Variants in CNTLN observed in about 807,000 individuals in gnomAD.
CNTLN encodes the protein centlein, centrosomal protein.
Under a neutral mutation model 180.0 loss-of-function variants are expected in CNTLN, and 212 were observed. The observed-to-expected ratio is 1.18, with a 90% CI of 1.05 to 1.32. CNTLN has a LOEUF of 1.32. Among genes scored for constraint, CNTLN ranks in the 40% most tolerant of loss-of-function variants. The probability of loss-of-function intolerance (pLI) is 0.00; values close to 1 mark genes in which losing one functional copy is unlikely to be tolerated. For missense variants in CNTLN, 2,095 were observed against 1,610.9 expected, an observed-to-expected ratio of 1.30 and a Z score of -5.14; for synonymous variants, 722 against 563.1, an observed-to-expected ratio of 1.28 and a Z score of -3.99.
At chr9:17,478,947 C>A (rs1193885609) in intron 23 of CNTLN, among the ~76,000 whole-genome samples, 2 of 152,140 alleles carry the variant, frequency 1.3e-5, no homozygotes, top group Non-Finnish European at 2.9e-5. Flanking sequence ...CCAACAGAAA[C>A]AAACTCAATG....
intron 23 of CNTLN, among the ~76,000 whole-genome samples, chr9:17,470,162 C>T (rs914880524): frequency 2.0e-5 from 3 of 151,876 alleles, no homozygotes; most frequent in African/African-American, 4.8e-5. Flanking sequence ...TTGTTGTCTT[C>T]AGGGTATTGT....
intron 2 of CNTLN, among the ~76,000 whole-genome samples, chr9:17,219,760 C>A (rs564961076): frequency 1.3e-5 from 2 of 152,098 alleles, no homozygotes; most frequent in South Asian, 4.1e-4. Context: ...TCCTGGGTGG[C>A]TTAAATAACA....
chr9:17,281,528 C>T (rs905543912), intron 6 of CNTLN, among the ~76,000 whole-genome samples: 2 of 152,018 alleles, frequency 1.3e-5, no homozygotes, highest in African/African-American at 4.8e-5. Flanking sequence ...GCTCCCACTA[C>T]GTGCAGTGTT....
intron 23 of CNTLN, among the ~76,000 whole-genome samples, chr9:17,480,936 G>A (rs1251990933): frequency 6.6e-6 from 1 of 152,192 alleles, no homozygotes; most frequent in Non-Finnish European, 1.5e-5. Flanking sequence ...AGCTATGTGT[G>A]TAATACACAA....
chr9:17,328,164 A>G lies in CNTLN; in HGVS notation c.1342-2468A>G, dbSNP rs148256778. Among the ~76,000 whole-genome samples, 4 of 152,118 alleles carry G rather than the reference A, an allele frequency of 2.6e-5. No individual in the cohort carries two copies. The South Asian group carries it at 6.2e-4, about 24-fold the overall frequency. On this transcript the variant is annotated intron_variant, in intron 8 of 25. Coordinates refer to ENST00000380647, the MANE Select transcript of CNTLN (RefSeq NM_017738.4). ...TTTTGTACCCTACTTTTCTCAGTTT[A>G]TCATAGATATCTTTCCATTTTAGCC... is the stretch of plus-strand genomic sequence containing the variant.
intron 1 of CNTLN, among the ~76,000 whole-genome samples, chr9:17,140,135 CG>C (rs1026049507): frequency 5.3e-5 from 8 of 151,180 alleles, no homozygotes; most frequent in South Asian, 2.1e-4. Flanking sequence ...TGTGTTTTTT[CG>C]GGGGGGGACT....
At chr9:17,237,354 TACACACAC>T (rs59168012) in intron 5 of CNTLN, among the ~76,000 whole-genome samples, 10,376 of 106,392 alleles carry the variant, frequency 0.098, 467 homozygotes, top group Middle Eastern at 0.15. Context: ...TATATGCCCC[TACACACAC>T]ACACACACAC....
chr9:17,425,231 G>A (rs1022521671), intron 18 of CNTLN, among the ~76,000 whole-genome samples: 1 of 152,136 alleles, frequency 6.6e-6, no homozygotes, highest in African/African-American at 2.4e-5. Context: ...CCTAACTCCT[G>A]GTTTGATGGT....
intron 2 of CNTLN, among the ~76,000 whole-genome samples, chr9:17,176,219 T>G (rs1403851202): frequency 6.6e-6 from 1 of 152,110 alleles, no homozygotes; most frequent in African/African-American, 2.4e-5. Flanking sequence ...AAATGGTCCC[T>G]GCAAGTTTTT....
chr9:17,228,721 G>T (rs114652758), intron 3 of CNTLN, among the ~76,000 whole-genome samples: 451 of 152,048 alleles, frequency 3.0e-3, no homozygotes, highest in African/African-American at 0.01. Context: ...TTCATAGTCA[G>T]GTCCACTGAC....
intron 13 of CNTLN, 30 bp downstream of exon 13, chr9:17,366,747 G>C (rs773889001): frequency 1.7e-6 from 2 of 1,159,152 alleles, no homozygotes; most frequent in South Asian, 2.7e-5. Flanking sequence ...ATACTTAACA[G>C]AGGAATTTTA....
intron 12 of CNTLN, among the ~76,000 whole-genome samples, chr9:17,351,681 C>T (rs375163632): frequency 2.6e-5 from 4 of 152,248 alleles, no homozygotes; most frequent in African/African-American, 9.6e-5. Context: ...ACCACCATTT[C>T]TTCCCTAGTC....
intron 18 of CNTLN, among the ~76,000 whole-genome samples, chr9:17,455,273 C>T (rs947110901): frequency 1.3e-5 from 2 of 152,072 alleles, no homozygotes; most frequent in Admixed American, 1.3e-4. Flanking sequence ...TGCATATATA[C>T]CTAACACTGG....
chr9:17,370,740 A>G (rs1238523975), intron 13 of CNTLN, among the ~76,000 whole-genome samples: 1 of 152,174 alleles, frequency 6.6e-6, no homozygotes, highest in Non-Finnish European at 1.5e-5. Context: ...ATAACTATAA[A>G]AAGTTTTCAA....
the CNTLN span, among the ~76,000 whole-genome samples, chr9:17,517,576 G>C: frequency 6.6e-6 from 1 of 152,076 alleles, no homozygotes; most frequent in Non-Finnish European, 1.5e-5. Context: ...ACAGAGGGAA[G>C]AGGACCATGT....
chr9:17,399,591 T>G (rs1290813241), intron 15 of CNTLN, among the ~76,000 whole-genome samples: 1 of 152,226 alleles, frequency 6.6e-6, no homozygotes, highest in African/African-American at 2.4e-5. Flanking sequence ...TAAAGCCCTT[T>G]CCATCTTCCT....
At chr9:17,521,712 GTTCCT>G in the CNTLN span, among the ~76,000 whole-genome samples, 8 of 152,254 alleles carry the variant, frequency 5.3e-5, no homozygotes, top group South Asian at 8.3e-4. Context: ...AAAGGAAACT[GTTCCT>G]TTCAAGTGCT....
At chr9:17,425,899 GAA>G (rs1052955582) in intron 18 of CNTLN, among the ~76,000 whole-genome samples, 23 of 152,278 alleles carry the variant, frequency 1.5e-4, no homozygotes, top group African/African-American at 5.3e-4. Flanking sequence ...GAGATAAACT[GAA>G]CAGAAATTAT....
At chr9:17,257,692 C>G in intron 5 of CNTLN, among the ~76,000 whole-genome samples, 12 of 150,280 alleles carry the variant, frequency 8.0e-5, no homozygotes, top group African/African-American at 2.0e-4. Flanking sequence ...GATGGTATCT[C>G]ATTGTGGTTT....
Sources: gnomAD v4.1 joint callset for allele counts (sites outside exome capture counted in the v4.1 genomes callset) on GRCh38, gnomAD v4.1.1 for gene constraint, MANE v1.5 for transcripts, NCBI Gene and HGNC (gene_info 2026-07-23, HGNC 2026-07-21) for gene names.